Variants in FAM161A observed in about 807,000 individuals in gnomAD.
The protein encoded by FAM161A is protein FAM161A.
In FAM161A, 57 loss-of-function variants were observed where a neutral mutation model predicts 70.9. The observed-to-expected ratio is 0.80, with a 90% CI of 0.65 to 1.00. The LOEUF is 1.00. Ranked by LOEUF, FAM161A falls within the 50% of genes least tolerant of loss-of-function variation. The pLI is 0.00. For missense variants in FAM161A, 880 were observed against 836.0 expected (o/e 1.05, Z -0.65); for synonymous variants, 299 against 295.7 (o/e 1.01, Z -0.12).
chr2:61,803,614 G>A, the FAM161A span, among the ~76,000 whole-genome samples: 2 of 152,320 alleles, frequency 1.3e-5, no homozygotes, highest in African/African-American at 4.8e-5. Flanking sequence ...AGGAGTTCAA[G>A]ATCAGCCTGG....
At chr2:61,845,290 G>T (rs1673163952) in intron 1 of FAM161A, among the ~76,000 whole-genome samples, 1 of 152,164 alleles carries the variant, frequency 6.6e-6, no homozygotes, top group East Asian at 1.9e-4. Flanking sequence ...TGGAGCCTCT[G>T]ATTGAGTATT....
At chr2:61,846,824 TG>T in intron 1 of FAM161A, 1 of 410,378 alleles carries the variant, frequency 2.4e-6, no homozygotes, top group Non-Finnish European at 4.9e-6. Context: ...GTTATTCATC[TG>T]GGCAGCAGCA....
At position 61,838,687 on chromosome 2, in the gene FAM161A, C is replaced by T. The variant is rs367777806; in HGVS notation, c.1602G>A (p.Lys534=). ...EQAVRRSLEE[K]KMLEEERNRI... ...GATTTCTCTCTTCTTCCAACATTTTCTTTTCCTCAAGTGATCTCCTGAGGG... is the reference window on the plus strand; with the variant it reads ...GATTTCTCTCTTCTTCCAACATTTTTTTTTCCTCAAGTGATCTCCTGAGGG... Residue 534 remains lysine (K), a synonymous_variant, in exon 4 of 7, where the codon AAG becomes AAA. Coordinates refer to ENST00000404929, the MANE Select transcript of FAM161A (RefSeq NM_001201543.2). 222 of 1,607,718 alleles carry T rather than the reference C, an allele frequency of 1.4e-4. No homozygotes were observed. Among genetic ancestry groups the T allele is most frequent in the Non-Finnish European group, 1.8e-4 (215 of 1,177,654 alleles).
rs1558473245 is a variant in FAM161A at position 61,826,344 on chromosome 2, A to T, written c.*111T>A. 4.2e-6 allele frequency: 5 copies of T among 1,188,506 alleles called. No homozygotes were observed. In the East Asian group the frequency reaches 1.3e-4, roughly 30 times the overall value. 73.6% of individuals were successfully genotyped at this position (1,188,506 alleles called of 1,614,324 possible). On this transcript the variant is annotated 3_prime_UTR_variant, in exon 7 of 7. Transcript: ENST00000404929. ...CAGGCTACAGATGACTTTGATCAAC[A>T]GCCCTGCACATATCAGAAGCGTCCC...
At chr2:61,820,114 G>A, downstream of FAM161A, 1 of 419,848 alleles carries the variant, frequency 2.4e-6, no homozygotes. Flanking sequence ...ATTAGGAATT[G>A]TGTTCTGCTG....
intron 1 of FAM161A, among the ~76,000 whole-genome samples, chr2:61,843,288 C>G (rs1673087737): frequency 6.6e-6 from 1 of 152,106 alleles, no homozygotes; most frequent in South Asian, 2.1e-4. Flanking sequence ...CCACCACACC[C>G]AGCTAATTTT....
chr2:61,827,534 T>C (rs1261502781), intron 5 of FAM161A, among the ~76,000 whole-genome samples: 4 of 139,136 alleles, frequency 2.9e-5, no homozygotes, highest in South Asian at 4.5e-4. Context: ...GGCGTGAACC[T>C]GGGAGGCGGA....
chr2:61,830,336 C>A (rs1672519814), intron 5 of FAM161A, among the ~76,000 whole-genome samples: 2 of 152,048 alleles, frequency 1.3e-5, no homozygotes, highest in African/African-American at 4.8e-5. Flanking sequence ...TTTGACAGGT[C>A]TCTCAATGAC....
chr2:61,844,254 T>C (rs1341412241), intron 1 of FAM161A, among the ~76,000 whole-genome samples: 1 of 152,244 alleles, frequency 6.6e-6, no homozygotes, highest in Non-Finnish European at 1.5e-5. Context: ...AAGAGAATTC[T>C]CTGATATCTT....
intron 1 of FAM161A, 121 bp downstream of exon 1, chr2:61,853,738 G>T: frequency 9.6e-7 from 1 of 1,040,262 alleles, no homozygotes; most frequent in Non-Finnish European, 1.4e-6. Context: ...CACCAAGTAG[G>T]GACTATGTGC....
rs1672914979 is a variant in FAM161A, at chr2:61,839,481, G to A, written c.1523C>T (p.Pro508Leu). The A allele has an allele frequency of 2.5e-6, 4 of 1,614,012 alleles. No homozygotes were observed. The highest frequency in any genetic ancestry group is 2.7e-5 in the African/African-American group (2 of 74,918). Reference sequence around the variant, plus strand: ...GGGCACGGGAGGGTTGCAGTTACAAGGCACAGGGTTTACACCTGCACATCT... The same window carrying A: ...GGGCACGGGAGGGTTGCAGTTACAAAGCACAGGGTTTACACCTGCACATCT... The part of the protein sequence containing the change: ...PVRCAGVNPV[P>L]CNCNPPVPTV... The change falls in exon 3 of 7, where the codon CCT becomes CTT. Residue 508 changes from proline to leucine, a missense_variant. By Grantham distance (98) the Pro-to-Leu change is moderately conservative. Coordinates refer to ENST00000404929, the MANE Select transcript of FAM161A (RefSeq NM_001201543.2).
rs541369491 is a variant in FAM161A at position 61,829,604 on chromosome 2, G to T, written c.1852-2346C>A. On this transcript the variant is annotated intron_variant, in intron 5 of 6. Transcript: ENST00000404929. Reference sequence around the variant, plus strand: ...ACTATACCCTAAAGACTGCAGAGAAGAATAAAGAAACCCCAAACCTAGCTC... The same window carrying T: ...ACTATACCCTAAAGACTGCAGAGAATAATAAAGAAACCCCAAACCTAGCTC... Among the ~76,000 whole-genome samples, 24 of 152,216 alleles carry T rather than the reference G, an allele frequency of 1.6e-4. No individual in the cohort carries two copies. The South Asian group carries it at 2.1e-3, about 13-fold the overall frequency.
In FAM161A at chr2:61,826,600, C is replaced by A. The variant is rs771089237; in HGVS notation, c.2007-1G>T. 5 of 1,600,424 alleles carry A rather than the reference C, an allele frequency of 3.1e-6. No individual in the cohort carries two copies. The South Asian group carries it at 5.6e-5, about 18-fold the overall frequency. ...TTCTATTTTTTCTTCTTCATTAAAG[C>A]TAGGGGAAGAAATTTATCAATCTTT... On this transcript the variant is annotated splice_acceptor_variant, in intron 6 of 6. Transcript: ENST00000404929. LOFTEE classifies it high-confidence loss of function.
In FAM161A at chr2:61,852,582, C is replaced by G. The variant is rs193054547; in HGVS notation, c.183+1277G>C. Among the ~76,000 whole-genome samples, 298 of 152,308 alleles carry G rather than the reference C, an allele frequency of 2.0e-3. 1 individual carries two copies. Among genetic ancestry groups the G allele is most frequent in the African/African-American group, 6.7e-3 (280 of 41,576 alleles). ...GATCCTAATACAGAACTCTTCAATCCTTTTTCTCCATCACGTTGCCTTGTT... is the reference window on the plus strand; with the variant it reads ...GATCCTAATACAGAACTCTTCAATCGTTTTTCTCCATCACGTTGCCTTGTT... On this transcript the variant is annotated intron_variant, in intron 1 of 6. Transcript: ENST00000404929.
At position 61,827,232 on chromosome 2, in the gene FAM161A, C is replaced by T. The variant is rs1344433764; in HGVS notation, c.1878G>A (p.Lys626=). Residue 626 remains lysine, a synonymous_variant, in exon 6 of 7, where the codon AAG becomes AAA. Coordinates refer to ENST00000404929, the MANE Select transcript of FAM161A (RefSeq NM_001201543.2). ...GTGCTTTTAGGGTATTAGAATAATG[C>T]TTTTCTGCTGCCATTCTTGCATTTT... ...AQKNARMAAE[K]HYSNTLKALG... 1.2e-6 allele frequency: 2 copies of T among 1,613,640 alleles called. No individual in the cohort carries two copies.
chr2:61,806,439 T>C, the FAM161A span, among the ~76,000 whole-genome samples: 1 of 152,286 alleles, frequency 6.6e-6, no homozygotes, highest in South Asian at 2.1e-4. Flanking sequence ...GTCGTTGTCA[T>C]TGTGAGATAT....
Position 61,826,589 on chromosome 2 carries a change from C to T in FAM161A, c.2017G>A (p.Glu673Lys). 6.2e-7 allele frequency: 1 copy of T among 1,601,920 alleles called. No homozygotes were observed. The highest frequency in any genetic ancestry group is 8.5e-7 in the Non-Finnish European group (1 of 1,171,672). Residue 673 changes from glutamate (E) to lysine (K), a missense_variant, in exon 7 of 7, where the codon GAA becomes AAA. Physicochemically the swap from Glu to Lys is moderately conservative, Grantham distance 56. Coordinates refer to ENST00000404929, the MANE Select transcript of FAM161A (RefSeq NM_001201543.2). ...VTEDKESFNE[E>K]EKIEERENGE... ...TTCTCTCTTTCTTCTATTTTTTCTT[C>T]TTCATTAAAGCTAGGGGAAGAAATT... is the stretch of plus-strand genomic sequence containing the variant.
At chr2:61,813,030 T>G in the FAM161A span, among the ~76,000 whole-genome samples, 15 of 151,952 alleles carry the variant, frequency 9.9e-5, no homozygotes, top group Non-Finnish European at 4.4e-5. Flanking sequence ...GCCACTGCAC[T>G]CCAGCCTGGG....
At chr2:61,846,945 C>T (rs1308584252) in intron 1 of FAM161A, 2 of 454,908 alleles carry the variant, frequency 4.4e-6, no homozygotes, top group African/African-American at 2.0e-5. Context: ...CTTTGGGTCA[C>T]TTGAGGTCAG....
Sources: gnomAD v4.1 joint callset for allele counts (sites outside exome capture counted in the v4.1 genomes callset) on GRCh38, gnomAD v4.1.1 for gene constraint, MANE v1.5 for transcripts, NCBI Gene and HGNC (gene_info 2026-07-23, HGNC 2026-07-21) for gene names.